The following FSTL4 variants were observed in gnomAD, a reference collection of about 807,000 sequenced individuals.
The protein encoded by FSTL4 is follistatin-related protein 4.
Under a neutral mutation model 78.2 loss-of-function variants are expected in FSTL4, and 28 were observed. That is an observed-to-expected ratio of 0.36 (90% CI 0.27 to 0.49). The LOEUF (loss-of-function observed/expected upper bound fraction) is 0.49, where lower values mean the gene tolerates loss of function less well. Ranked by LOEUF, FSTL4 falls within the 20% of genes least tolerant of loss-of-function variation. FSTL4 has a pLI of 0.98. For synonymous variants in FSTL4, 422 were observed against 440.5 expected, an observed-to-expected ratio of 0.96 and a Z score of 0.53; for missense variants, 922 against 1,084.9, an observed-to-expected ratio of 0.85 and a Z score of 2.11.
At chr5:133,452,048 G>A (rs1022536678) in intron 3 of FSTL4, among the ~76,000 whole-genome samples, 5 of 152,206 alleles carry the variant, frequency 3.3e-5, no homozygotes, top group African/African-American at 7.2e-5. Flanking sequence ...CCTGGCTGGG[G>A]AGATAGACCT....
intron 6 of FSTL4, among the ~76,000 whole-genome samples, chr5:133,296,392 T>C (rs979078352): frequency 3.3e-5 from 5 of 152,216 alleles, no homozygotes; most frequent in African/African-American, 1.2e-4. Flanking sequence ...CTTTAAAATA[T>C]AAAGTCAGAT....
At chr5:133,307,417 C>G in intron 6 of FSTL4, among the ~76,000 whole-genome samples, 1 of 152,338 alleles carries the variant, frequency 6.6e-6, no homozygotes, top group Admixed American at 6.5e-5. Flanking sequence ...GAATCAGACA[C>G]GCCCACTAAA....
the FSTL4 span, among the ~76,000 whole-genome samples, chr5:133,777,095 A>G: frequency 6.6e-6 from 1 of 152,210 alleles, no homozygotes; most frequent in Non-Finnish European, 1.5e-5. Context: ...TAATGATTTT[A>G]TTTGGCTCAC....
chr5:133,223,092 C>A (rs1376685067), intron 11 of FSTL4, among the ~76,000 whole-genome samples: 1 of 152,184 alleles, frequency 6.6e-6, no homozygotes, highest in Non-Finnish European at 1.5e-5. Flanking sequence ...AAACTTGAGA[C>A]CCTTTGTAGT....
chr5:133,278,132 C>T (rs1416101504), intron 6 of FSTL4, among the ~76,000 whole-genome samples: 1 of 152,186 alleles, frequency 6.6e-6, no homozygotes, highest in African/African-American at 2.4e-5. Flanking sequence ...GTCTCATGGC[C>T]TGTACAAAGG....
chr5:133,763,601 C>A, the FSTL4 span, among the ~76,000 whole-genome samples: 1 of 152,190 alleles, frequency 6.6e-6, no homozygotes, highest in African/African-American at 2.4e-5. Context: ...ACAGCAGGAT[C>A]CCATCCAGCA....
chr5:133,797,672 G>A, the FSTL4 span, among the ~76,000 whole-genome samples: 1 of 152,146 alleles, frequency 6.6e-6, no homozygotes, highest in African/African-American at 2.4e-5. Context: ...GGGTGCTTAG[G>A]ATTCCATTTT....
intron 3 of FSTL4, among the ~76,000 whole-genome samples, chr5:133,492,978 CTAATA>C (rs1195334520): frequency 6.6e-6 from 1 of 151,910 alleles, no homozygotes; most frequent in African/African-American, 2.4e-5. Context: ...TCAGCTGTAC[CTAATA>C]TGTTTTTAAA....
the FSTL4 span, among the ~76,000 whole-genome samples, chr5:133,805,981 C>G: frequency 6.6e-6 from 1 of 152,218 alleles, no homozygotes; most frequent in Non-Finnish European, 1.5e-5. Flanking sequence ...CACCAAGTTG[C>G]CTGCATCCCC....
At chr5:133,497,984 C>A (rs1049370440) in intron 3 of FSTL4, among the ~76,000 whole-genome samples, 39 of 152,032 alleles carry the variant, frequency 2.6e-4, no homozygotes, top group Non-Finnish European at 2.9e-5. Flanking sequence ...CTGTGACTTG[C>A]GGGGTCTGTC....
At chr5:133,819,567 A>G in the FSTL4 span, among the ~76,000 whole-genome samples, 1 of 152,168 alleles carries the variant, frequency 6.6e-6, no homozygotes, top group Non-Finnish European at 1.5e-5. Context: ...TGTGCTCTTC[A>G]CTTGCTAAAC....
intron 6 of FSTL4, among the ~76,000 whole-genome samples, chr5:133,289,550 A>G (rs1311997471): frequency 6.6e-6 from 1 of 152,198 alleles, no homozygotes; most frequent in Admixed American, 6.5e-5. Context: ...TCCTGAATGA[A>G]TGACTGCATG....
chr5:133,608,046 T>G (rs1761012557), intron 1 of FSTL4, among the ~76,000 whole-genome samples: 1 of 152,152 alleles, frequency 6.6e-6, no homozygotes, highest in Admixed American at 6.5e-5. Flanking sequence ...AATTAATTAC[T>G]CCTCAAATTC....
the FSTL4 span, among the ~76,000 whole-genome samples, chr5:133,696,954 G>A: frequency 1.4e-4 from 22 of 152,360 alleles, no homozygotes; most frequent in Non-Finnish European, 2.6e-4. Context: ...CTGTAGGAGA[G>A]GAGCCCCAAC....
At chr5:133,268,863 T>C (rs1330769233) in intron 6 of FSTL4, among the ~76,000 whole-genome samples, 2 of 152,144 alleles carry the variant, frequency 1.3e-5, no homozygotes, top group African/African-American at 4.8e-5. Flanking sequence ...TTGGTTATTA[T>C]GTTTTGGTTT....
chr5:133,274,689 G>A (rs1009641849), intron 6 of FSTL4, among the ~76,000 whole-genome samples: 3 of 152,174 alleles, frequency 2.0e-5, no homozygotes, highest in African/African-American at 4.8e-5. Flanking sequence ...AGCAGTCCTC[G>A]CTCCAAAGCA....
chr5:133,240,811 C>T lies in FSTL4; in HGVS notation c.895-7274G>A, dbSNP rs112702269. 3.0e-3 allele frequency among the ~76,000 whole-genome samples: 455 copies of T among 152,280 alleles called. 1 individual carries two copies. Among genetic ancestry groups the T allele is most frequent in the African/African-American group, 0.01 (435 of 41,568 alleles). ...GTGTGTTAGCCTAGGATGCTACCTCCTGGGAAGCCCTGAGAGGAAGGATAG... is the reference window on the plus strand; with the variant it reads ...GTGTGTTAGCCTAGGATGCTACCTCTTGGGAAGCCCTGAGAGGAAGGATAG... On this transcript the variant is annotated intron_variant, in intron 7 of 15. Coordinates refer to ENST00000265342, the MANE Select transcript of FSTL4 (RefSeq NM_015082.2).
intron 4 of FSTL4, among the ~76,000 whole-genome samples, chr5:133,382,566 G>GATTT (rs200343322): frequency 0.014 from 2,099 of 152,272 alleles, 55 homozygotes; most frequent in African/African-American, 0.047. Flanking sequence ...TGGAGAGAGG[G>GATTT]ATTTCTCCAA....
the FSTL4 span, among the ~76,000 whole-genome samples, chr5:133,646,820 C>T: frequency 7.2e-5 from 11 of 152,134 alleles, no homozygotes; most frequent in African/African-American, 1.4e-4. Flanking sequence ...CCCAAGAGAA[C>T]GACATAACTG....
Sources: allele counts gnomAD v4.1 joint callset (sites outside exome capture counted in the v4.1 genomes callset), GRCh38; gene constraint gnomAD v4.1.1; transcripts MANE v1.5; gene names NCBI Gene and HGNC (gene_info 2026-07-23, HGNC 2026-07-21).